The following EPC1 variants were observed in gnomAD, a reference collection of about 807,000 sequenced individuals.
EPC1 encodes the protein enhancer of polycomb 1.
EPC1 carries 12 observed loss-of-function variants against 98.4 expected under a neutral mutation model. The ratio of observed to expected loss-of-function variants is 0.12; its 90% CI spans 0.08 to 0.20. The LOEUF (loss-of-function observed/expected upper bound fraction) is 0.20, where lower values mean the gene tolerates loss of function less well. EPC1 is among the 10% of genes least tolerant of loss of function. The probability of loss-of-function intolerance (pLI) is 1.00; values close to 1 mark genes in which losing one functional copy is unlikely to be tolerated. For missense variants in EPC1, 729 were observed against 990.5 expected (o/e 0.74, Z 3.54); for synonymous variants, 357 against 363.9 (o/e 0.98, Z 0.21).
chr10:32,281,191 C>A (rs1426530926), intron 10 of EPC1, among the ~76,000 whole-genome samples: 1 of 152,136 alleles, frequency 6.6e-6, no homozygotes, highest in African/African-American at 2.4e-5. Flanking sequence ...CCCACCACCA[C>A]GTCTGGCTAA....
intron 1 of EPC1, among the ~76,000 whole-genome samples, chr10:32,318,547 C>A (rs1374105644): frequency 6.6e-6 from 1 of 152,088 alleles, no homozygotes; most frequent in Non-Finnish European, 1.5e-5. Context: ...TATATAAAGA[C>A]CTTACTATAT....
chr10:32,327,831 CTT>C (rs1837395629), intron 1 of EPC1, among the ~76,000 whole-genome samples: 1 of 152,168 alleles, frequency 6.6e-6, no homozygotes, highest in Admixed American at 6.5e-5. Context: ...GGTATTATAA[CTT>C]TGGGGGACAC....
At chr10:32,345,599 G>A (rs1197726429) in intron 1 of EPC1, 6 of 985,264 alleles carry the variant, frequency 6.1e-6, no homozygotes, top group African/African-American at 1.7e-5. Flanking sequence ...AGGATTAGAA[G>A]TCATCAAGTT....
At chr10:32,361,043 T>G (rs984261004) in intron 1 of EPC1, among the ~76,000 whole-genome samples, 1 of 152,258 alleles carries the variant, frequency 6.6e-6, no homozygotes, top group African/African-American at 2.4e-5. Context: ...CAAGGCAACT[T>G]AAAAGTGTGC....
At chr10:32,348,970 A>G (rs188182318), upstream of EPC1, among the ~76,000 whole-genome samples, 24 of 152,352 alleles carry the variant, frequency 1.6e-4, no homozygotes, top group Non-Finnish European at 2.1e-4. Context: ...AAAAGTAAAA[A>G]TGAAGGGAAG....
chr10:32,310,748 C>T (rs985579503), intron 1 of EPC1, among the ~76,000 whole-genome samples: 1 of 152,020 alleles, frequency 6.6e-6, no homozygotes, highest in Non-Finnish European at 1.5e-5. Flanking sequence ...GTGGCAGGTG[C>T]CTGTAATCCC....
rs971514725 is a variant in EPC1, at chr10:32,378,579, C to A, written c.-86G>T. On this transcript the variant is annotated 5_prime_UTR_variant, in exon 1 of 14. Transcript: ENST00000375110. ...CTTGTGTCCCTAGAAACAACAGCCT[C>A]CAGGCAGCATATGGATCTTCCAACA... 20 of 951,674 alleles carry A rather than the reference C, an allele frequency of 2.1e-5. No homozygotes were observed. The Admixed American group carries it at 3.0e-4, about 14-fold the overall frequency. 59.0% of individuals were successfully genotyped at this position (951,674 alleles called of 1,614,324 possible).
chr10:32,334,452 C>T (rs1200038914), intron 1 of EPC1, among the ~76,000 whole-genome samples: 2 of 58,554 alleles, frequency 3.4e-5, no homozygotes, highest in African/African-American at 1.2e-4. Context: ...TTGAATATAA[C>T]AGCTAAAAAA....
intron 2 of EPC1, among the ~76,000 whole-genome samples, chr10:32,304,391 A>G (rs1222575282): frequency 6.6e-6 from 1 of 152,216 alleles, no homozygotes; most frequent in Admixed American, 6.5e-5. Context: ...GGGGAAGATC[A>G]GATCCTTAGC....
At chr10:32,272,869 A>C (rs1835906467) in intron 11 of EPC1, 1 of 628,334 alleles carries the variant, frequency 1.6e-6, no homozygotes, top group African/African-American at 1.8e-5. Context: ...TGCCCAAGAG[A>C]ATGAACTGGG....
chr10:32,330,092 T>A (rs1218888239), intron 1 of EPC1, among the ~76,000 whole-genome samples: 3 of 152,222 alleles, frequency 2.0e-5, no homozygotes, highest in Non-Finnish European at 4.4e-5. Context: ...AATGCCACTT[T>A]GAAAACAATG....
intron 2 of EPC1, among the ~76,000 whole-genome samples, chr10:32,297,287 T>C (rs1481314700): frequency 6.6e-6 from 1 of 151,224 alleles, no homozygotes; most frequent in Non-Finnish European, 1.5e-5. Context: ...TAATTCTTTT[T>C]TTTTTTTTTT....
At chr10:32,327,187 A>T (rs1304552174) in intron 1 of EPC1, among the ~76,000 whole-genome samples, 1 of 152,076 alleles carries the variant, frequency 6.6e-6, no homozygotes, top group Non-Finnish European at 1.5e-5. Context: ...AAGTGAGATA[A>T]ACCAGACATA....
chr10:32,347,034 G>A lies in EPC1; in HGVS notation c.-119C>T. 2 of 1,484,860 alleles carry A rather than the reference G, an allele frequency of 1.3e-6. 1 individual carries two copies. The highest frequency in any genetic ancestry group is 2.7e-5 in the South Asian group (2 of 75,468). The allele number at this position is 1,484,860 out of a possible 1,614,324, so 92.0% of individuals were successfully genotyped here. A position where few individuals can be genotyped will look rare whatever the true frequency, so the allele number is the denominator to read the frequency against. On this transcript the variant is annotated 5_prime_UTR_variant, in exon 1 of 14. Transcript: ENST00000319778. ...CTGCCGGGGACTTGAGGGGCGGAGCGCAGAGCCCGCCGTCCGGGCACTAAC... is the reference window on the plus strand; with the variant it reads ...CTGCCGGGGACTTGAGGGGCGGAGCACAGAGCCCGCCGTCCGGGCACTAAC...
At chr10:32,358,742 T>C (rs903277537) in intron 1 of EPC1, among the ~76,000 whole-genome samples, 2 of 151,930 alleles carry the variant, frequency 1.3e-5, no homozygotes, top group African/African-American at 4.8e-5. Context: ...TAGTGCCAAG[T>C]CTACACAAAT....
chr10:32,339,752 T>C (rs1045976016), intron 1 of EPC1, among the ~76,000 whole-genome samples: 2 of 152,214 alleles, frequency 1.3e-5, no homozygotes, highest in Admixed American at 1.3e-4. Flanking sequence ...AATTCATCTG[T>C]ACATGATTTT....
intron 2 of EPC1, among the ~76,000 whole-genome samples, chr10:32,305,414 C>T (rs1253405756): frequency 6.6e-6 from 1 of 152,190 alleles, no homozygotes; most frequent in Non-Finnish European, 1.5e-5. Flanking sequence ...CAGAAAAAGT[C>T]TGCTGACTCT....
At chr10:32,272,201 A>G (rs1277961843) in intron 11 of EPC1, 34 bp from the exon 12 acceptor site, 8 of 1,536,214 alleles carry the variant, frequency 5.2e-6, no homozygotes, top group African/African-American at 1.4e-5. Context: ...TCTAATCAGT[A>G]TCACTTAGTA....
At chr10:32,326,710 A>C (rs1837301435) in intron 1 of EPC1, among the ~76,000 whole-genome samples, 1 of 152,182 alleles carries the variant, frequency 6.6e-6, no homozygotes. Context: ...TAATAACTTG[A>C]AAAGCAGATA....
Sources: gnomAD v4.1 joint callset for allele counts (sites outside exome capture counted in the v4.1 genomes callset) on GRCh38, gnomAD v4.1.1 for gene constraint, MANE v1.5 for transcripts, NCBI Gene and HGNC (gene_info 2026-07-23, HGNC 2026-07-21) for gene names.